ATP5PD: variants seen among roughly 807,000 people sequenced by gnomAD.
The protein encoded by ATP5PD is ATP synthase peripheral stalk subunit d.
Under a neutral mutation model 22.6 loss-of-function variants are expected in ATP5PD, and 13 were observed. The observed-to-expected ratio is 0.58, with a 90% confidence interval of 0.37 to 0.91. ATP5PD has a LOEUF of 0.91. Among genes scored for constraint, ATP5PD ranks in the 40% least tolerant of loss-of-function variants. ATP5PD has a pLI of 0.00. For synonymous variants in ATP5PD, 51 were observed against 65.0 expected, an observed-to-expected ratio of 0.79 and a Z score of 1.03; for missense variants, 165 against 188.0, an observed-to-expected ratio of 0.88 and a Z score of 0.72.
At chr17:75,045,245 A>G (rs1368081702) in intron 1 of ATP5PD, among the ~76,000 whole-genome samples, 1 of 152,236 alleles carries the variant, frequency 6.6e-6, no homozygotes, top group Non-Finnish European at 1.5e-5. Context: ...TAACAGGGTA[A>G]TAGAATATCA....
chr17:75,043,465 T>C (rs2073180627), intron 1 of ATP5PD, among the ~76,000 whole-genome samples: 1 of 151,974 alleles, frequency 6.6e-6, no homozygotes, highest in Non-Finnish European at 1.5e-5. Flanking sequence ...ATACAAAAAT[T>C]AGCCGGGCGT....
At chr17:75,040,034 A>C in intron 4 of ATP5PD, 58 bp downstream of exon 4, 1 of 1,575,288 alleles carries the variant, frequency 6.3e-7, no homozygotes, top group South Asian at 1.1e-5. Flanking sequence ...CTTAGCTATA[A>C]TAGAGAGCTG....
At position 75,039,238 on chromosome 17, in the gene ATP5PD, T is replaced by G; in HGVS notation, c.325A>C (p.Lys109Gln). 1 of 1,614,144 alleles carries G rather than the reference T, an allele frequency of 6.2e-7. No homozygotes were observed. The highest frequency in any genetic ancestry group is 8.5e-7 in the Non-Finnish European group (1 of 1,180,028). ...KSCAEWVSLS[K>Q]ARIVEYEKEM... The stretch of plus-strand genomic sequence containing the variant: ...TTCTCATATTCTACAATCCTGGCCT[T>G]TGAGAGAGACACCCACTCAGCACAA... The change falls in exon 5 of 6, where the codon AAG becomes CAG. Residue 109 changes from lysine (K) to glutamine (Q), a missense_variant. Coordinates refer to ENST00000301587, the MANE Select transcript of ATP5PD (RefSeq NM_006356.3).
At chr17:75,040,740 G>T (rs1176581353) in intron 3 of ATP5PD, 1 of 152,564 alleles carries the variant, frequency 6.6e-6, no homozygotes, top group East Asian at 2.0e-4. Context: ...ACAAAAATTA[G>T]CTGTGCAAGG....
intron 1 of ATP5PD, among the ~76,000 whole-genome samples, chr17:75,044,184 C>A (rs541402066): frequency 1.4e-4 from 19 of 137,776 alleles, no homozygotes; most frequent in Non-Finnish European, 2.4e-4. Flanking sequence ...ACCACCACAC[C>A]CAGCTAATTT....
chr17:75,042,695 A>C (rs770983210), intron 1 of ATP5PD, 36 bp from the exon 2 acceptor site: 2 of 1,578,288 alleles, frequency 1.3e-6, no homozygotes, highest in Non-Finnish European at 8.6e-7. Flanking sequence ...AGGCTTTTTT[A>C]TGAGGTGAAT....
rs1336699343 is a variant in ATP5PD at position 75,040,119 on chromosome 17, G to T, written c.264C>A (p.Ala88=). 6.2e-7 allele frequency: 1 copy of T among 1,612,656 alleles called. No homozygotes were observed. The highest frequency in any genetic ancestry group is 2.2e-5 in the East Asian group (1 of 44,876). The change falls in exon 4 of 6, where the codon GCC becomes GCA. Residue 88 remains alanine (A), a synonymous_variant. Coordinates refer to ENST00000301587, the MANE Select transcript of ATP5PD (RefSeq NM_006356.3). ...KVPVPEDKYT[A]QVDAEEKEDV... is the part of the protein sequence containing the mutation. Reference sequence around the variant, plus strand: ...CTTCTTTTTCTTCGGCATCCACCTGGGCAGTATATTTATCCTCTGGCACGG... The same window carrying T: ...CTTCTTTTTCTTCGGCATCCACCTGTGCAGTATATTTATCCTCTGGCACGG...
chr17:75,044,685 A>G (rs1030037173), intron 1 of ATP5PD, among the ~76,000 whole-genome samples: 1 of 152,340 alleles, frequency 6.6e-6, no homozygotes, highest in Non-Finnish European at 1.5e-5. Flanking sequence ...TGTGAGAAAA[A>G]TACAGAAAAC....
intron 4 of ATP5PD, chr17:75,039,847 C>A (rs1331365343): frequency 1.7e-5 from 9 of 516,154 alleles, no homozygotes; most frequent in Non-Finnish European, 2.7e-5. Context: ...CCACTGTAGA[C>A]AAACTACATT....
chr17:75,046,114 G>T (rs373196222), intron 1 of ATP5PD, among the ~76,000 whole-genome samples: 1 of 152,134 alleles, frequency 6.6e-6, no homozygotes, highest in Non-Finnish European at 1.5e-5. Context: ...ACGGAGTCTC[G>T]CACTGTCGCC....
intron 3 of ATP5PD, chr17:75,041,320 A>C (rs1598687210): frequency 6.7e-6 from 1 of 148,240 alleles, no homozygotes; most frequent in Non-Finnish European, 1.5e-5. Flanking sequence ...GCGCCACTGC[A>C]CTCCAACCTG....
chr17:75,042,044 A>G, intron 3 of ATP5PD, 137 bp downstream of exon 3: 1 of 683,626 alleles, frequency 1.5e-6, no homozygotes, highest in Non-Finnish European at 2.5e-6. Flanking sequence ...ATCGACCACA[A>G]GGCCTTTGGC....
intron 2 of ATP5PD, 55 bp from the exon 3 acceptor site, chr17:75,042,332 C>G: frequency 6.3e-7 from 1 of 1,584,396 alleles, no homozygotes; most frequent in Non-Finnish European, 8.6e-7. Flanking sequence ...AGAAAATTCA[C>G]ATGGTAATTT....
intron 5 of ATP5PD, 24 bp downstream of exon 5, chr17:75,039,185 G>T (rs199693457): frequency 6.2e-7 from 1 of 1,613,896 alleles, no homozygotes; most frequent in Non-Finnish European, 8.5e-7. Context: ...CATATTATAG[G>T]CAACGGCTAC....
chr17:75,039,327 G>C lies in ATP5PD; in HGVS notation c.292-56C>G, dbSNP rs372152326. The C allele has an allele frequency of 2.7e-5, 41 of 1,528,356 alleles. No homozygotes were observed. In the African/African-American group the frequency reaches 4.9e-4, roughly 18 times the overall value. 94.7% of individuals were successfully genotyped at this position (1,528,356 alleles called of 1,614,324 possible). ...AACCAGGCTGCATTCTACCCCAGCAGCTGCTAAGGTAGGAGTCGTCCCAGC... is the reference window on the plus strand; with the variant it reads ...AACCAGGCTGCATTCTACCCCAGCACCTGCTAAGGTAGGAGTCGTCCCAGC... On this transcript the variant is annotated intron_variant, in intron 4 of 5. Coordinates refer to ENST00000301587, the MANE Select transcript of ATP5PD (RefSeq NM_006356.3).
At chr17:75,039,340 G>C (rs929670887) in intron 4 of ATP5PD, 69 bp from the exon 5 acceptor site, 11 of 1,422,960 alleles carry the variant, frequency 7.7e-6, no homozygotes, top group African/African-American at 5.6e-5. Context: ...GCTAAGGTAG[G>C]AGTCGTCCCA....
At chr17:75,042,081 A>G in intron 3 of ATP5PD, 100 bp downstream of exon 3, 1 of 1,042,204 alleles carries the variant, frequency 9.6e-7, no homozygotes, top group Non-Finnish European at 1.4e-6. Context: ...AAGCTTCCTT[A>G]GGGATCTGGC....
At chr17:75,040,522 C>A (rs772019277) in intron 3 of ATP5PD, 1 of 271,840 alleles carries the variant, frequency 3.7e-6, no homozygotes, top group Non-Finnish European at 7.1e-6. Context: ...TCTGATTTCT[C>A]TTCTGCATGG....
intron 1 of ATP5PD, among the ~76,000 whole-genome samples, chr17:75,045,186 A>G (rs974581578): frequency 6.6e-6 from 1 of 152,208 alleles, no homozygotes; most frequent in Non-Finnish European, 1.5e-5. Flanking sequence ...GGGAGTTTCA[A>G]AAGGGGAGGG....
Sources: allele counts gnomAD v4.1 joint callset (sites outside exome capture counted in the v4.1 genomes callset), GRCh38; gene constraint gnomAD v4.1.1; transcripts MANE v1.5; gene names NCBI Gene and HGNC (gene_info 2026-07-23, HGNC 2026-07-21).